VAMP4: variants seen among roughly 807,000 people sequenced by gnomAD.
VAMP4 encodes the protein vesicle associated membrane protein 4.
Under a neutral mutation model 23.5 loss-of-function variants are expected in VAMP4, and 19 were observed. The ratio of observed to expected loss-of-function variants is 0.81; its 90% CI spans 0.56 to 1.19. The LOEUF (loss-of-function observed/expected upper bound fraction) is 1.19, where lower values mean the gene tolerates loss of function less well. Ranked by LOEUF, VAMP4 falls within the 50% of genes most tolerant of loss-of-function variation. VAMP4 has a pLI of 0.00. For missense variants in VAMP4, 145 were observed against 168.6 expected, an observed-to-expected ratio of 0.86 and a Z score of 0.78; for synonymous variants, 31 against 51.0, an observed-to-expected ratio of 0.61 and a Z score of 1.67.
intron 1 of VAMP4, among the ~76,000 whole-genome samples, chr1:171,739,273 T>C (rs1006495560): frequency 3.3e-5 from 5 of 152,178 alleles, no homozygotes; most frequent in African/African-American, 1.2e-4. Context: ...TAATCAATCA[T>C]GCCTACTAAG....
At position 171,702,729 on chromosome 1, in the gene VAMP4, T is replaced by A. The variant is rs1654486750; in HGVS notation, c.*1777A>T. The stretch of plus-strand genomic sequence containing the variant: ...GCTCATTTTTCTGGGTATCTTAACT[T>A]AAAAGATTTATTAGCTGTTCAGATG... On this transcript the variant is annotated 3_prime_UTR_variant, in exon 8 of 8. Coordinates refer to ENST00000236192, the MANE Select transcript of VAMP4 (RefSeq NM_003762.5). The A allele has an allele frequency of 6.6e-6, 1 of 152,028 alleles. No individual in the cohort carries two copies. The highest frequency in any genetic ancestry group is 1.5e-5 in the Non-Finnish European group (1 of 67,870). 9.4% of individuals were successfully genotyped at this position (152,028 alleles called of 1,614,324 possible). A position where few individuals can be genotyped will look rare whatever the true frequency, so the allele number is the denominator to read the frequency against.
At chr1:171,718,901 C>T (rs1049813125) in intron 4 of VAMP4, among the ~76,000 whole-genome samples, 1 of 152,112 alleles carries the variant, frequency 6.6e-6, no homozygotes, top group Non-Finnish European at 1.5e-5. Flanking sequence ...GGGTCAACAA[C>T]TTTTTCTGTA....
chr1:171,718,799 A>C (rs908758183), intron 4 of VAMP4, among the ~76,000 whole-genome samples: 1 of 152,194 alleles, frequency 6.6e-6, no homozygotes, highest in Admixed American at 6.6e-5. Context: ...TCATAAAAAA[A>C]CCAACAATCC....
chr1:171,715,790 C>T (rs570124666), intron 4 of VAMP4, among the ~76,000 whole-genome samples: 1 of 152,216 alleles, frequency 6.6e-6, no homozygotes, highest in Admixed American at 6.5e-5. Context: ...GGGAGGATCC[C>T]TTGAGTCCAG....
At chr1:171,738,253 C>G in intron 2 of VAMP4, 96 bp downstream of exon 2, 1 of 1,403,330 alleles carries the variant, frequency 7.1e-7, no homozygotes, top group Non-Finnish European at 9.8e-7. Context: ...CAGGCATGAG[C>G]AACCACGCCC....
At chr1:171,726,279 T>C (rs1655367365) in intron 3 of VAMP4, among the ~76,000 whole-genome samples, 1 of 151,796 alleles carries the variant, frequency 6.6e-6, no homozygotes, top group African/African-American at 2.4e-5. Context: ...CTTGAACTCC[T>C]GACCTTGTGA....
intron 4 of VAMP4, among the ~76,000 whole-genome samples, chr1:171,713,956 A>C (rs868173420): frequency 6.6e-6 from 1 of 152,194 alleles, no homozygotes; most frequent in Non-Finnish European, 1.5e-5. Flanking sequence ...CCTCAACAAC[A>C]TGGCACACAT....
At chr1:171,734,088 T>C (rs1655650788) in intron 2 of VAMP4, among the ~76,000 whole-genome samples, 1 of 151,948 alleles carries the variant, frequency 6.6e-6, no homozygotes, top group Non-Finnish European at 1.5e-5. Context: ...GCCAACATGG[T>C]GGAACCCCAT....
At chr1:171,733,855 G>C (rs1463085241) in intron 2 of VAMP4, among the ~76,000 whole-genome samples, 1 of 152,068 alleles carries the variant, frequency 6.6e-6, no homozygotes, top group Non-Finnish European at 1.5e-5. Context: ...ATAAAAACAT[G>C]CTCAAACAAA....
At chr1:171,706,320 C>T (rs1654649736) in intron 7 of VAMP4, 47 bp downstream of exon 7, 1 of 1,555,816 alleles carries the variant, frequency 6.4e-7, no homozygotes, top group Non-Finnish European at 8.7e-7. Flanking sequence ...AAAATGAACT[C>T]CAAAATAAAT....
rs1655449524 is a variant in VAMP4, at chr1:171,728,567, T to C, written c.70A>G (p.Asn24Asp). ...TCATCTGAATCATCTTCCAAAAGAT[T>C]TCTCTGTCAAAAAAAGAAAAAGACT... Reference protein sequence around the residue: ...VTGSVKSERRNLLEDDSDEEE... With the variant: ...VTGSVKSERRDLLEDDSDEEE... Residue 24 changes from asparagine (N) to aspartate (D), a missense_variant, in exon 3 of 8, where the codon AAT becomes GAT. Coordinates refer to ENST00000236192, the MANE Select transcript of VAMP4 (RefSeq NM_003762.5). The C allele has an allele frequency of 6.4e-7, 1 of 1,556,230 alleles. No homozygotes were observed. Among genetic ancestry groups the C allele is most frequent in the Non-Finnish European group, 8.7e-7 (1 of 1,153,494 alleles).
At chr1:171,709,079 A>G (rs1654764076) in intron 6 of VAMP4, among the ~76,000 whole-genome samples, 3 of 152,066 alleles carry the variant, frequency 2.0e-5, no homozygotes, top group Admixed American at 2.0e-4. Context: ...TAAGAAGTAA[A>G]TGTATTTCTA....
At chr1:171,736,648 AAAAAC>A (rs59682689) in intron 2 of VAMP4, among the ~76,000 whole-genome samples, 39,470 of 149,880 alleles carry the variant, frequency 0.26, 5,230 homozygotes, top group East Asian at 0.36. Context: ...TTCCCCATTA[AAAAAC>A]AAAACAAAAC....
Position 171,701,964 on chromosome 1 carries a change from C to T in VAMP4, c.*2542G>A, listed in dbSNP as rs184825257. On this transcript the variant is annotated 3_prime_UTR_variant, in exon 8 of 8. Coordinates refer to ENST00000236192, the MANE Select transcript of VAMP4 (RefSeq NM_003762.5). ...GCATCAAAATAGTGACGTGATTTCA[C>T]TGAGTATCAACTAGTATTTGCAAAG... The T allele has an allele frequency of 1.3e-5, 2 of 152,230 alleles. No individual in the cohort carries two copies. Among genetic ancestry groups the T allele is most frequent in the Admixed American group, 1.3e-4 (2 of 15,280 alleles). The allele number at this position is 152,230 out of a possible 1,614,324, so 9.4% of individuals were successfully genotyped here. A position where few individuals can be genotyped will look rare whatever the true frequency, so the allele number is the denominator to read the frequency against.
At chr1:171,706,747 T>C (rs1033883865) in intron 6 of VAMP4, among the ~76,000 whole-genome samples, 2 of 152,220 alleles carry the variant, frequency 1.3e-5, no homozygotes, top group African/African-American at 4.8e-5. Flanking sequence ...GCATGGCCTA[T>C]GTTATTCATC....
At chr1:171,735,113 C>A (rs1486153528) in intron 2 of VAMP4, among the ~76,000 whole-genome samples, 2 of 152,232 alleles carry the variant, frequency 1.3e-5, no homozygotes, top group South Asian at 4.1e-4. Context: ...TAGTATATCA[C>A]GCCTGGACTT....
At chr1:171,713,085 C>T (rs560133804) in intron 4 of VAMP4, among the ~76,000 whole-genome samples, 2 of 152,256 alleles carry the variant, frequency 1.3e-5, no homozygotes, top group Admixed American at 6.5e-5. Flanking sequence ...TTTGTAAGTC[C>T]AGTACCTATA....
intron 3 of VAMP4, among the ~76,000 whole-genome samples, chr1:171,726,450 T>G (rs948199981): frequency 2.0e-5 from 3 of 152,236 alleles, no homozygotes; most frequent in Non-Finnish European, 2.9e-5. Flanking sequence ...AATGTTGTCC[T>G]TCCTGACTTG....
intron 3 of VAMP4, among the ~76,000 whole-genome samples, chr1:171,726,418 C>T (rs1346702480): frequency 6.6e-6 from 1 of 152,130 alleles, no homozygotes; most frequent in African/African-American, 2.4e-5. Flanking sequence ...CTACATCAAT[C>T]CCCAGAGAAA....
Sources: allele counts gnomAD v4.1 joint callset (sites outside exome capture counted in the v4.1 genomes callset), GRCh38; gene constraint gnomAD v4.1.1; transcripts MANE v1.5; gene names NCBI Gene and HGNC (gene_info 2026-07-23, HGNC 2026-07-21).